The following MYOF variants were observed in gnomAD, a reference collection of about 807,000 sequenced individuals.
MYOF encodes the protein fer-1-like 3, myoferlin.
Under a neutral mutation model 284.2 loss-of-function variants are expected in MYOF, and 244 were observed. The ratio of observed to expected loss-of-function variants is 0.86; its 90% CI spans 0.77 to 0.95. The LOEUF (loss-of-function observed/expected upper bound fraction) is 0.95. MYOF is among the 40% of genes least tolerant of loss of function. The pLI is 0.00. For synonymous variants in MYOF, 904 were observed against 919.7 expected (o/e 0.98, Z 0.31); for missense variants, 2,496 against 2,560.6 (o/e 0.97, Z 0.54).
chr10:93,424,116 T>G (rs914687806), intron 5 of MYOF, among the ~76,000 whole-genome samples: 1 of 152,162 alleles, frequency 6.6e-6, no homozygotes, highest in African/African-American at 2.4e-5. Context: ...TTTCCAGAAC[T>G]GCGAGAGAAT....
At chr10:93,396,479 G>A (rs1181700159) in intron 15 of MYOF, among the ~76,000 whole-genome samples, 1 of 152,090 alleles carries the variant, frequency 6.6e-6, no homozygotes, top group South Asian at 2.1e-4. Flanking sequence ...ATTTATAAGT[G>A]TATCCCAATT....
intron 32 of MYOF, among the ~76,000 whole-genome samples, chr10:93,353,552 GCTT>G (rs1844630894): frequency 6.6e-6 from 1 of 152,100 alleles, no homozygotes; most frequent in African/African-American, 2.4e-5. Context: ...CTTTCTCGGT[GCTT>G]CTTATTACTT....
chr10:93,353,862 A>T lies in MYOF; in HGVS notation c.3430T>A (p.Tyr1144Asn). Reference protein sequence around the residue: ...DRVYIYHLRCYVYQARNLLAL... With the variant: ...DRVYIYHLRCNVYQARNLLAL... Reference sequence around the variant, plus strand: ...AAGAGGTTTCTGGCTTGATAGACATAGCAGCGCAGATGGTAGATGTAGACT... The same window carrying T: ...AAGAGGTTTCTGGCTTGATAGACATTGCAGCGCAGATGGTAGATGTAGACT... Residue 1144 changes from tyrosine to asparagine, a missense_variant, in exon 32 of 54, where the codon TAT (tyrosine) becomes AAT (asparagine). Physicochemically the swap from Tyr to Asn is moderately radical, Grantham distance 143 (BLOSUM62 -2). Coordinates refer to ENST00000359263, the MANE Select transcript of MYOF (RefSeq NM_013451.4). 6.2e-7 allele frequency: 1 copy of T among 1,611,246 alleles called. No individual in the cohort carries two copies.
rs1445620165 is a variant in MYOF at position 93,361,521 on chromosome 10, A to G, written c.2905T>C (p.Cys969Arg). 1 of 1,614,206 alleles carries G rather than the reference A, an allele frequency of 6.2e-7. No homozygotes were observed. Among genetic ancestry groups the G allele is most frequent in the Non-Finnish European group, 8.5e-7 (1 of 1,180,032 alleles). Residue 969 changes from cysteine (C) to arginine (R), a missense_variant, in exon 28 of 54, where the codon TGT becomes CGT. Coordinates refer to ENST00000359263, the MANE Select transcript of MYOF (RefSeq NM_013451.4). ...DKAASPSELT[C>R]PPGWEWEDDA... ...TCTTCCCATTCCCAACCTGGAGGACAAGTCAACTCGCTGGGTGATGCTGCT... is the reference window on the plus strand; with the variant it reads ...TCTTCCCATTCCCAACCTGGAGGACGAGTCAACTCGCTGGGTGATGCTGCT...
intron 17 of MYOF, among the ~76,000 whole-genome samples, chr10:93,390,950 C>T (rs1168265696): frequency 6.6e-6 from 1 of 152,166 alleles, no homozygotes; most frequent in African/African-American, 2.4e-5. Context: ...TGTCAAAAGT[C>T]CCACAAATTG....
chr10:93,315,785 G>A (rs78620171), intron 50 of MYOF, among the ~76,000 whole-genome samples: 3,387 of 152,074 alleles, frequency 0.022, 111 homozygotes, highest in African/African-American at 0.078. Context: ...GGTGGTTGGC[G>A]GGTTGGAGGA....
At chr10:93,444,258 C>T (rs779404378) in intron 3 of MYOF, among the ~76,000 whole-genome samples, 7 of 152,190 alleles carry the variant, frequency 4.6e-5, no homozygotes, top group Admixed American at 2.0e-4. Context: ...CTCATTCATC[C>T]AACAAACGTT....
At chr10:93,406,886 G>C (rs568366899) in intron 7 of MYOF, among the ~76,000 whole-genome samples, 80 of 152,254 alleles carry the variant, frequency 5.3e-4, no homozygotes, top group Non-Finnish European at 8.5e-4. Context: ...GATTAGAGCC[G>C]TAGGGAATGA....
In MYOF at chr10:93,327,860, C is replaced by T. The variant is rs187693034; in HGVS notation, c.5131+903G>A. On this transcript the variant is annotated intron_variant, in intron 45 of 53. Transcript: ENST00000359263. The stretch of plus-strand genomic sequence containing the variant: ...GCAACCTCTGCCTCCTGGGTTCAAG[C>T]GATTCTCATGCTTCAGCCTCCTGAG... 4.6e-5 allele frequency among the ~76,000 whole-genome samples: 7 copies of T among 152,222 alleles called. No homozygotes were observed. In the East Asian group the frequency reaches 1.2e-3, roughly 25 times the overall value.
intron 1 of MYOF, chr10:93,478,317 C>A: frequency 4.7e-6 from 1 of 213,916 alleles, no homozygotes. Context: ...GGCAGAATGG[C>A]CACCCCTGGC....
At chr10:93,370,689 T>C (rs535253157) in intron 24 of MYOF, among the ~76,000 whole-genome samples, 2 of 152,296 alleles carry the variant, frequency 1.3e-5, no homozygotes, top group South Asian at 2.1e-4. Flanking sequence ...AGATGGGAAG[T>C]ACATGCGAAG....
At position 93,408,931 on chromosome 10, in the gene MYOF, G is replaced by A. The variant is rs543645804; in HGVS notation, c.601-16C>T. 4 of 1,613,422 alleles carry A rather than the reference G, an allele frequency of 2.5e-6. No homozygotes were observed. The highest frequency in any genetic ancestry group is 3.4e-6 in the Non-Finnish European group (4 of 1,179,630). ...GGACGCGGATCTGCAGCACAGAAGG[G>A]GGATGGTTACCCAACCTTTCCCAGC... On this transcript the variant is annotated splice_polypyrimidine_tract_variant and intron_variant, in intron 6 of 53. Coordinates refer to ENST00000359263, the MANE Select transcript of MYOF (RefSeq NM_013451.4).
intron 5 of MYOF, among the ~76,000 whole-genome samples, chr10:93,424,928 C>CCTT (rs1433325912): frequency 1.1e-5 from 1 of 92,728 alleles, no homozygotes; most frequent in Non-Finnish European, 2.2e-5. Context: ...GGGAGAATTC[C>CCTT]ATTTTTTTTT....
rs574497328 is a variant in MYOF at position 93,481,063 on chromosome 10, G to C, written c.88+1044C>G. ...AGTCTTACCAATGACAAACAAAATAGATAAAGCCTCCACACTGAGATTTAG... is the reference window on the plus strand; with the variant it reads ...AGTCTTACCAATGACAAACAAAATACATAAAGCCTCCACACTGAGATTTAG... On this transcript the variant is annotated intron_variant, in intron 1 of 53. Transcript: ENST00000359263. Among the ~76,000 whole-genome samples, 3 of 152,082 alleles carry C rather than the reference G, an allele frequency of 2.0e-5. No homozygotes were observed. The South Asian group carries it at 6.2e-4, about 32-fold the overall frequency.
chr10:93,470,711 A>C (rs2057126950), intron 1 of MYOF, among the ~76,000 whole-genome samples: 2 of 152,098 alleles, frequency 1.3e-5, no homozygotes, highest in South Asian at 2.1e-4. Context: ...CTACACTCTT[A>C]ATTCACTGAA....
Position 93,429,067 on chromosome 10 carries a change from G to A in MYOF, c.345+2341C>T, listed in dbSNP as rs74693266. On this transcript the variant is annotated intron_variant, in intron 4 of 53. Coordinates refer to ENST00000359263, the MANE Select transcript of MYOF (RefSeq NM_013451.4). The stretch of plus-strand genomic sequence containing the variant: ...ATGTGACCTCCAATAGTGGAGTTGG[G>A]CCCTGGTGGGAGTTTTTGGGTCATG... 7.5e-4 allele frequency among the ~76,000 whole-genome samples: 115 copies of A among 152,324 alleles called. 1 individual carries two copies. In the East Asian group the frequency reaches 0.021, roughly 27 times the overall value.
intron 25 of MYOF, among the ~76,000 whole-genome samples, chr10:93,367,376 T>C (rs1845375577): frequency 6.6e-6 from 1 of 152,210 alleles, no homozygotes; most frequent in Non-Finnish European, 1.5e-5. Context: ...AGAAGATGAT[T>C]TGCATAAGCC....
At chr10:93,401,324 A>C in intron 12 of MYOF, 94 bp downstream of exon 12, 3 of 1,513,412 alleles carry the variant, frequency 2.0e-6, no homozygotes, top group Non-Finnish European at 2.7e-6. Context: ...AAAACATACG[A>C]TAGGGACACG....
Position 93,313,058 on chromosome 10 carries a change from G to A in MYOF, c.5851C>T (p.Pro1951Ser). The change falls in exon 51 of 54, where the codon CCA (proline) becomes TCA (serine). Residue 1951 changes from proline to serine, a missense_variant. By Grantham distance (74) the Pro-to-Ser change is moderately conservative. Around this residue, in one of 3 missense-constraint regions of MYOF, gnomAD observed 2,436 missense variants for 2,480.7 expected, o/e 0.98. Transcript: ENST00000359263. ...GCGCCATCTTTCTCTGCGTAGCATGGCCACCATCCTTTCATGGACTTCTGC... is the reference window on the plus strand; with the variant it reads ...GCGCCATCTTTCTCTGCGTAGCATGACCACCATCCTTTCATGGACTTCTGC... ...FEQKSMKGWW[P>S]CYAEKDGARV... 1.2e-6 allele frequency: 2 copies of A among 1,613,652 alleles called. No homozygotes were observed. The highest frequency in any genetic ancestry group is 1.7e-4 in the Middle Eastern group (1 of 5,978).
Sources: allele counts gnomAD v4.1 joint callset (sites outside exome capture counted in the v4.1 genomes callset), GRCh38; gene constraint gnomAD v4.1.1; regional missense constraint gnomAD v4.1.1; transcripts MANE v1.5; gene names NCBI Gene and HGNC (gene_info 2026-07-23, HGNC 2026-07-21).